The following COX7B2 variants were observed in gnomAD, a reference collection of about 807,000 sequenced individuals.
COX7B2 encodes the protein cytochrome c oxidase subunit 7B2, mitochondrial.
For missense variants in COX7B2, 109 were observed against 95.9 expected (o/e 1.14, Z -0.57); for synonymous variants, 37 against 32.1 (o/e 1.15, Z -0.51).
intron 2 of COX7B2, among the ~76,000 whole-genome samples, chr4:46,771,708 C>G (rs1296693280): frequency 1.3e-5 from 2 of 152,022 alleles, no homozygotes; most frequent in Non-Finnish European, 2.9e-5. Context: ...ATTAGAGATA[C>G]TCAACTGGTA....
chr4:46,741,253 A>G (rs550905400), intron 2 of COX7B2, among the ~76,000 whole-genome samples: 3 of 152,226 alleles, frequency 2.0e-5, no homozygotes, highest in South Asian at 2.1e-4. Context: ...GAAGGCATTA[A>G]GGGGTATATC....
At chr4:46,815,900 CCTTT>C in intron 2 of COX7B2, among the ~76,000 whole-genome samples, 1 of 152,096 alleles carries the variant, frequency 6.6e-6, no homozygotes. Flanking sequence ...TTTATATTTA[CCTTT>C]CTGTTTTGAA....
At chr4:46,864,940 G>A (rs1196510515) in intron 1 of COX7B2, among the ~76,000 whole-genome samples, 1 of 152,088 alleles carries the variant, frequency 6.6e-6, no homozygotes, top group Non-Finnish European at 1.5e-5. Flanking sequence ...CACCGCACCT[G>A]GGCTTTTATT....
chr4:46,736,587 C>T (rs1714375985), intron 2 of COX7B2, among the ~76,000 whole-genome samples: 1 of 152,080 alleles, frequency 6.6e-6, no homozygotes, highest in Non-Finnish European at 1.5e-5. Flanking sequence ...GAACAGTCTA[C>T]AGGGCAATGG....
chr4:46,820,600 G>T (rs1264842785), intron 2 of COX7B2, among the ~76,000 whole-genome samples: 1 of 152,006 alleles, frequency 6.6e-6, no homozygotes, highest in Non-Finnish European at 1.5e-5. Context: ...GGCCAAGGTG[G>T]GCAGATCACC....
At chr4:46,752,243 G>C (rs1715430792) in intron 2 of COX7B2, among the ~76,000 whole-genome samples, 1 of 151,892 alleles carries the variant, frequency 6.6e-6, no homozygotes, top group African/African-American at 2.4e-5. Context: ...GTATAAGAAT[G>C]CTTGTGATTT....
At chr4:46,804,930 TA>T (rs943404689) in intron 2 of COX7B2, among the ~76,000 whole-genome samples, 2 of 151,826 alleles carry the variant, frequency 1.3e-5, no homozygotes, top group Admixed American at 6.6e-5. Flanking sequence ...ACAGCCAGGG[TA>T]GGGGGGGCGG....
chr4:46,757,027 A>G (rs1423501011), intron 2 of COX7B2, among the ~76,000 whole-genome samples: 1 of 152,070 alleles, frequency 6.6e-6, no homozygotes, highest in Non-Finnish European at 1.5e-5. Flanking sequence ...AAAAATATGG[A>G]TGGAATCAAC....
chr4:46,841,684 A>C (rs976574829), intron 2 of COX7B2, among the ~76,000 whole-genome samples: 1 of 151,950 alleles, frequency 6.6e-6, no homozygotes, highest in Non-Finnish European at 1.5e-5. Flanking sequence ...TCTTAGAGCA[A>C]ATCTCAAGGA....
chr4:46,846,125 T>A (rs553079325), intron 1 of COX7B2, among the ~76,000 whole-genome samples: 1 of 152,228 alleles, frequency 6.6e-6, no homozygotes, highest in South Asian at 2.1e-4. Flanking sequence ...TAAGTGCTTA[T>A]GAATCCAGGA....
chr4:46,829,112 G>T (rs554731487), intron 2 of COX7B2, among the ~76,000 whole-genome samples: 2 of 152,022 alleles, frequency 1.3e-5, no homozygotes, highest in Non-Finnish European at 2.9e-5. Context: ...GCATTCCTTG[G>T]GAAACATCAA....
chr4:46,872,904 T>C (rs528350862), intron 1 of COX7B2, among the ~76,000 whole-genome samples: 3 of 152,226 alleles, frequency 2.0e-5, no homozygotes, highest in African/African-American at 7.2e-5. Flanking sequence ...ACATGCGCCA[T>C]GGTGGTTAGC....
At chr4:46,904,905 T>C (rs1380796653) in intron 1 of COX7B2, among the ~76,000 whole-genome samples, 1 of 152,188 alleles carries the variant, frequency 6.6e-6, no homozygotes, top group African/African-American at 2.4e-5. Flanking sequence ...TGTCTGCATG[T>C]TAAAAGACAA....
intron 2 of COX7B2, among the ~76,000 whole-genome samples, chr4:46,835,202 AATTTGAAAGC>A (rs1023878994): frequency 1.3e-5 from 2 of 152,154 alleles, no homozygotes; most frequent in African/African-American, 4.8e-5. Flanking sequence ...CATAAAGGAC[AATTTGAAAGC>A]ATCTATCAAA....
intron 2 of COX7B2, among the ~76,000 whole-genome samples, chr4:46,778,645 A>C (rs1341266456): frequency 2.0e-5 from 3 of 152,186 alleles, no homozygotes; most frequent in Non-Finnish European, 2.9e-5. Flanking sequence ...ATATAGAATC[A>C]GTAGACATTT....
intron 2 of COX7B2, among the ~76,000 whole-genome samples, chr4:46,842,969 A>G (rs1467348405): frequency 6.6e-6 from 1 of 151,952 alleles, no homozygotes; most frequent in East Asian, 1.9e-4. Context: ...TCCCTGAGGA[A>G]TCGCCACACT....
chr4:46,892,222 T>C (rs1342491146), intron 1 of COX7B2, among the ~76,000 whole-genome samples: 2 of 152,188 alleles, frequency 1.3e-5, no homozygotes, highest in African/African-American at 2.4e-5. Context: ...GATTATGGTA[T>C]AGACTAAAAA....
intron 1 of COX7B2, among the ~76,000 whole-genome samples, chr4:46,890,094 T>C (rs992680869): frequency 6.6e-6 from 1 of 152,054 alleles, no homozygotes; most frequent in Admixed American, 6.6e-5. Context: ...CTAATAATAA[T>C]GAAGAAAGCA....
intron 2 of COX7B2, among the ~76,000 whole-genome samples, chr4:46,832,360 G>A (rs1282741234): frequency 1.3e-5 from 2 of 152,036 alleles, no homozygotes; most frequent in African/African-American, 2.4e-5. Context: ...CACCCACCCC[G>A]AGGGTACACA....
Sources: gnomAD v4.1 joint callset for allele counts (sites outside exome capture counted in the v4.1 genomes callset) on GRCh38, gnomAD v4.1.1 for gene constraint, MANE v1.5 for transcripts, NCBI Gene and HGNC (gene_info 2026-07-23, HGNC 2026-07-21) for gene names.